ETV2: variants seen among roughly 807,000 people sequenced by gnomAD.
The protein encoded by ETV2 is ETS variant transcription factor 2.
In ETV2, 34 loss-of-function variants were observed where a neutral mutation model predicts 35.7. That is an observed-to-expected ratio of 0.95 (90% confidence interval 0.72 to 1.27). The LOEUF is 1.27. Ranked by LOEUF, ETV2 falls within the 50% of genes most tolerant of loss-of-function variation. The pLI is 0.00. For missense variants in ETV2, 512 were observed against 470.5 expected (o/e 1.09, Z -0.82); for synonymous variants, 207 against 203.9 (o/e 1.02, Z -0.13).
rs770132428 is a variant in ETV2, at chr19:35,644,663, G to T, written c.840G>T (p.Leu280=). Residue 280 remains leucine (L), a synonymous_variant, in exon 7 of 7, where the codon CTG becomes CTT. Transcript: ENST00000402764. The surrounding 1 kb of genome is among the most constrained non-coding windows in gnomAD (Gnocchi z 4.7). ...QLCDPKEVAR[L]WGERKRKPGM... ...GGCCTCTGTCCTAGGTGGCTCGGCT[G>T]TGGGGCGAGCGCAAGAGAAAGCCGG... 1.9e-6 allele frequency: 3 copies of T among 1,605,870 alleles called. No individual in the cohort carries two copies. Among genetic ancestry groups the T allele is most frequent in the Non-Finnish European group, 2.6e-6 (3 of 1,175,230 alleles).
In ETV2 at chr19:35,643,564, A is replaced by T. The variant is rs1403689496; in HGVS notation, c.526A>T (p.Thr176Ser). ...WGSGLGGEPR[T>S]DCTISWGGPA... ...CAGTGGCCTGGGCGGGGAGCCGCGC[A>T]CGGACTGTACCATTTCGTGGGGCGG... The change falls in exon 5 of 7, where the codon ACG becomes TCG. Residue 176 changes from threonine (T) to serine (S), a missense_variant. Thr to Ser is a moderately conservative substitution (Grantham distance 58). Transcript: ENST00000402764. This position sits in a 1 kb window ranked among gnomAD's most constrained non-coding sequence, Gnocchi z 5.0. The T allele has an allele frequency of 1.3e-6, 2 of 1,568,288 alleles. No homozygotes were observed. The highest frequency in any genetic ancestry group is 1.7e-6 in the Non-Finnish European group (2 of 1,157,006).
chr19:35,643,625 C>G lies in ETV2; in HGVS notation c.587C>G (p.Pro196Arg), dbSNP rs1256433922. Residue 196 changes from proline to arginine, a missense_variant, in exon 5 of 7, where the codon CCG (proline) becomes CGG (arginine). Pro to Arg is a moderately radical substitution (Grantham distance 103). Coordinates refer to ENST00000402764, the MANE Select transcript of ETV2 (RefSeq NM_014209.4). This position sits in a 1 kb window ranked among gnomAD's most constrained non-coding sequence, Gnocchi z 5.0. ...AGPDCTTSWN[P>R]GLHAGGTTSL... ...CCGGACTGTACCACCTCCTGGAACC[C>G]GGGGCTGCATGCGGGTGGCACCACC... 2 of 1,612,662 alleles carry G rather than the reference C, an allele frequency of 1.2e-6. No homozygotes were observed. The highest frequency in any genetic ancestry group is 2.7e-5 in the African/African-American group (2 of 74,886).
rs749283372 is a variant in ETV2, at chr19:35,644,353, G to A, written c.828+6G>A. ...AGCTGTGCGACCCCAAAGAGGTGGG[G>A]CAGCTCCCCTGCCCAGCCAAATCCG... On this transcript the variant is annotated splice_donor_region_variant and intron_variant, in intron 6 of 6. Transcript: ENST00000402764. This position sits in a 1 kb window ranked among gnomAD's most constrained non-coding sequence, Gnocchi z 4.7. 5.0e-5 allele frequency: 76 copies of A among 1,511,014 alleles called. No individual in the cohort carries two copies. In the Middle Eastern group the frequency reaches 1.7e-3, roughly 34 times the overall value. The allele number at this position is 1,511,014 out of a possible 1,614,324, so 93.6% of individuals were successfully genotyped here.
In ETV2 at chr19:35,644,184, G is replaced by T; in HGVS notation, c.716-51G>T. The T allele has an allele frequency of 8.1e-7, 1 of 1,230,460 alleles. No homozygotes were observed. Among genetic ancestry groups the T allele is most frequent in the African/African-American group, 1.5e-5 (1 of 67,038 alleles). 76.2% of individuals were successfully genotyped at this position (1,230,460 alleles called of 1,614,324 possible). The stretch of plus-strand genomic sequence containing the variant: ...CCCGGACCTCTAGATCATTGAAGTG[G>T]TGTGATCTAGGGCCGGGAAGACTGA... On this transcript the variant is annotated intron_variant, in intron 5 of 6. Coordinates refer to ENST00000402764, the MANE Select transcript of ETV2 (RefSeq NM_014209.4). The surrounding 1 kb of genome is among the most constrained non-coding windows in gnomAD (Gnocchi z 4.7).
Position 35,642,459 on chromosome 19 carries a change from C to A in ETV2, c.-2C>A. 6.3e-7 allele frequency: 1 copy of A among 1,588,326 alleles called. No individual in the cohort carries two copies. Among genetic ancestry groups the A allele is most frequent in the Non-Finnish European group, 8.6e-7 (1 of 1,165,134 alleles). On this transcript the variant is annotated 5_prime_UTR_variant, in exon 2 of 7. Transcript: ENST00000402764. This position sits in a 1 kb window ranked among gnomAD's most constrained non-coding sequence, Gnocchi z 4.4. ...AACATTCAGAAGGCCTTCATCGCAT[C>A]CATGGACCTGTGGAACTGGGATGAG... is the stretch of plus-strand genomic sequence containing the variant.
Position 35,644,208 on chromosome 19 carries a change from G to A in ETV2, c.716-27G>A. ...GGTGTGATCTAGGGCCGGGAAGACT[G>A]AGTGTGCCCCTCCCTTCATCCCGCA... is the stretch of plus-strand genomic sequence containing the variant. On this transcript the variant is annotated intron_variant, in intron 5 of 6. Transcript: ENST00000402764. The surrounding 1 kb of genome is among the most constrained non-coding windows in gnomAD (Gnocchi z 4.7). 1.4e-6 allele frequency: 2 copies of A among 1,444,524 alleles called. No homozygotes were observed. Among genetic ancestry groups the A allele is most frequent in the South Asian group, 2.4e-5 (2 of 81,926 alleles). The allele number at this position is 1,444,524 out of a possible 1,614,324, so 89.5% of individuals were successfully genotyped here. A position where few individuals can be genotyped will look rare whatever the true frequency, so the allele number is the denominator to read the frequency against.
In ETV2 at chr19:35,644,747, G is replaced by A. The variant is rs756450485; in HGVS notation, c.924G>A (p.Val308=). ...GLRYYYRRDI[V]RKSGGRKYTY... is the part of the protein sequence containing the mutation. ...GCTACTACTATCGCCGCGACATCGT[G>A]CGCAAGAGCGGGGGGCGAAAGTACA... Residue 308 remains valine, a synonymous_variant, in exon 7 of 7, where the codon GTG becomes GTA. Transcript: ENST00000402764. This position sits in a 1 kb window ranked among gnomAD's most constrained non-coding sequence, Gnocchi z 4.7. The A allele has an allele frequency of 1.3e-5, 21 of 1,610,038 alleles. No individual in the cohort carries two copies. Among genetic ancestry groups the A allele is most frequent in the Non-Finnish European group, 1.6e-5 (19 of 1,177,688 alleles).
In ETV2 at chr19:35,644,594, C is replaced by T; in HGVS notation, c.829-58C>T. ...GCACACCGCCCCCAGGCCCGGCCCTCCCCACTATCGCCAAGCCCCGCCCCT... is the reference window on the plus strand; with the variant it reads ...GCACACCGCCCCCAGGCCCGGCCCTTCCCACTATCGCCAAGCCCCGCCCCT... On this transcript the variant is annotated intron_variant, in intron 6 of 6. Coordinates refer to ENST00000402764, the MANE Select transcript of ETV2 (RefSeq NM_014209.4). The surrounding 1 kb of genome is among the most constrained non-coding windows in gnomAD (Gnocchi z 4.7). 2 of 1,505,266 alleles carry T rather than the reference C, an allele frequency of 1.3e-6. No individual in the cohort carries two copies. Among genetic ancestry groups the T allele is most frequent in the Non-Finnish European group, 1.8e-6 (2 of 1,115,284 alleles). The allele number at this position is 1,505,266 out of a possible 1,614,324, so 93.2% of individuals were successfully genotyped here.
At position 35,644,415 on chromosome 19, in the gene ETV2, G is replaced by A. The variant is rs1295038744; in HGVS notation, c.828+68G>A. ...CTAGTTCAATTTAGCTCCGCCCAAGGGCTAGGTTCAACCGCGTAGCCCTCG... is the reference window on the plus strand; with the variant it reads ...CTAGTTCAATTTAGCTCCGCCCAAGAGCTAGGTTCAACCGCGTAGCCCTCG... On this transcript the variant is annotated intron_variant, in intron 6 of 6. Coordinates refer to ENST00000402764, the MANE Select transcript of ETV2 (RefSeq NM_014209.4). The surrounding 1 kb of genome is among the most constrained non-coding windows in gnomAD (Gnocchi z 4.7). 4 of 1,166,582 alleles carry A rather than the reference G, an allele frequency of 3.4e-6. No individual in the cohort carries two copies. The Admixed American group carries it at 6.1e-5, about 18-fold the overall frequency. The allele number at this position is 1,166,582 out of a possible 1,614,324, so 72.3% of individuals were successfully genotyped here. A position where few individuals can be genotyped will look rare whatever the true frequency, so the allele number is the denominator to read the frequency against.
Position 35,644,449 on chromosome 19 carries a change from G to C in ETV2, c.828+102G>C. ...CAACCGCGTAGCCCTCGGCCCCGCC[G>C]CTCCCCGGCCCACTCGAGGCCCCGC... On this transcript the variant is annotated intron_variant, in intron 6 of 6. Coordinates refer to ENST00000402764, the MANE Select transcript of ETV2 (RefSeq NM_014209.4). This position sits in a 1 kb window ranked among gnomAD's most constrained non-coding sequence, Gnocchi z 4.7. 3.1e-6 allele frequency: 3 copies of C among 964,066 alleles called. No homozygotes were observed. The highest frequency in any genetic ancestry group is 3.1e-6 in the Non-Finnish European group (2 of 639,282). 59.7% of individuals were successfully genotyped at this position (964,066 alleles called of 1,614,324 possible). A position where few individuals can be genotyped will look rare whatever the true frequency, so the allele number is the denominator to read the frequency against.
In ETV2 at chr19:35,643,454, C is replaced by A; in HGVS notation, c.416C>A (p.Ala139Asp). 1 of 1,546,770 alleles carries A rather than the reference C, an allele frequency of 6.5e-7. No individual in the cohort carries two copies. Residue 139 changes from alanine to aspartate, a missense_variant, in exon 5 of 7, where the codon GCC becomes GAC. Physicochemically the swap from Ala to Asp is moderately radical, Grantham distance 126 (BLOSUM62 -2). Coordinates refer to ENST00000402764, the MANE Select transcript of ETV2 (RefSeq NM_014209.4). The surrounding 1 kb of genome is among the most constrained non-coding windows in gnomAD (Gnocchi z 5.0). ...GQNCVPVAGE[A>D]TSWSRAQAAG... ...AACTGCGTCCCCGTGGCGGGAGAGG[C>A]CACCTCGTGGTCGCGCGCCCAGGCC...
chr19:35,642,944 C>T lies in ETV2; in HGVS notation c.155-21C>T, dbSNP rs772206302. 4.0e-5 allele frequency: 59 copies of T among 1,486,632 alleles called. No individual in the cohort carries two copies. Among genetic ancestry groups the T allele is most frequent in the Non-Finnish European group, 5.3e-5 (57 of 1,084,394 alleles). 92.1% of individuals were successfully genotyped at this position (1,486,632 alleles called of 1,614,324 possible). A position where few individuals can be genotyped will look rare whatever the true frequency, so the allele number is the denominator to read the frequency against. On this transcript the variant is annotated intron_variant, in intron 3 of 6. Transcript: ENST00000402764. The surrounding 1 kb of genome is among the most constrained non-coding windows in gnomAD (Gnocchi z 4.4). ...TAGTTGAGGGGTCTCTTTCATTGCTCACAGTCCTCCCTAAACTCAGGTACA... is the reference window on the plus strand; with the variant it reads ...TAGTTGAGGGGTCTCTTTCATTGCTTACAGTCCTCCCTAAACTCAGGTACA...
At position 35,644,707 on chromosome 19, in the gene ETV2, T is replaced by A; in HGVS notation, c.884T>A (p.Leu295Gln). ...AAGCCGGGCATGAATTACGAGAAGC[T>A]GAGCCGGGGCCTTCGCTACTACTAT... Reference protein sequence around the residue: ...KRKPGMNYEKLSRGLRYYYRR... With the variant: ...KRKPGMNYEKQSRGLRYYYRR... The change falls in exon 7 of 7, where the codon CTG becomes CAG. Residue 295 changes from leucine (L) to glutamine (Q), a missense_variant. Physicochemically the swap from Leu to Gln is moderately radical, Grantham distance 113. Coordinates refer to ENST00000402764, the MANE Select transcript of ETV2 (RefSeq NM_014209.4). The surrounding 1 kb of genome is among the most constrained non-coding windows in gnomAD (Gnocchi z 4.7). The A allele has an allele frequency of 6.2e-7, 1 of 1,604,446 alleles. No individual in the cohort carries two copies. The highest frequency in any genetic ancestry group is 8.5e-7 in the Non-Finnish European group (1 of 1,174,746).
Position 35,644,634 on chromosome 19 carries a change from A to G in ETV2, c.829-18A>G. ...GCCCCGCCCCTTCCCACTCCGACCG[A>G]GCGGGCCTCTGTCCTAGGTGGCTCG... On this transcript the variant is annotated intron_variant, in intron 6 of 6. Coordinates refer to ENST00000402764, the MANE Select transcript of ETV2 (RefSeq NM_014209.4). The surrounding 1 kb of genome is among the most constrained non-coding windows in gnomAD (Gnocchi z 4.7). 2 of 1,600,772 alleles carry G rather than the reference A, an allele frequency of 1.2e-6. No homozygotes were observed. Among genetic ancestry groups the G allele is most frequent in the South Asian group, 1.1e-5 (1 of 89,422 alleles).
chr19:35,642,629 G>A lies in ETV2; in HGVS notation c.85G>A (p.Gly29Ser). 2 of 1,608,770 alleles carry A rather than the reference G, an allele frequency of 1.2e-6. No individual in the cohort carries two copies. Among genetic ancestry groups the A allele is most frequent in the Non-Finnish European group, 1.7e-6 (2 of 1,177,654 alleles). ...ATCGCCTGCAGAAGGAGCCAAATTA[G>A]GCTTCTGTTTCCCTGATCTGGCACT... ...KLAGLEGAKL[G>S]FCFPDLALQG... Residue 29 changes from glycine (G) to serine (S), a missense_variant, in exon 3 of 7, where the codon GGC (glycine) becomes AGC (serine). Transcript: ENST00000402764. This position sits in a 1 kb window ranked among gnomAD's most constrained non-coding sequence, Gnocchi z 4.4.
rs1258363613 is a variant in ETV2, at chr19:35,644,692, T to A, written c.869T>A (p.Met290Lys). The part of the protein sequence containing the change: ...LWGERKRKPG[M>K]NYEKLSRGLR... ...GGCGAGCGCAAGAGAAAGCCGGGCA[T>A]GAATTACGAGAAGCTGAGCCGGGGC... The change falls in exon 7 of 7, where the codon ATG (methionine) becomes AAG (lysine). Residue 290 changes from methionine (M) to lysine (K), a missense_variant. Physicochemically the swap from Met to Lys is moderately conservative, Grantham distance 95 (BLOSUM62 -1). Coordinates refer to ENST00000402764, the MANE Select transcript of ETV2 (RefSeq NM_014209.4). This position sits in a 1 kb window ranked among gnomAD's most constrained non-coding sequence, Gnocchi z 4.7. 2.5e-6 allele frequency: 4 copies of A among 1,603,554 alleles called. No individual in the cohort carries two copies. Among genetic ancestry groups the A allele is most frequent in the Non-Finnish European group, 3.4e-6 (4 of 1,174,324 alleles).
At position 35,644,039 on chromosome 19, in the gene ETV2, C is replaced by T. The variant is rs1353246637; in HGVS notation, c.716-196C>T. The stretch of plus-strand genomic sequence containing the variant: ...TCCTGGGTCTCCGAGATGGGGAGGC[C>T]AAACTCCTAAATCTCTGAGACTGGG... On this transcript the variant is annotated intron_variant, in intron 5 of 6. Coordinates refer to ENST00000402764, the MANE Select transcript of ETV2 (RefSeq NM_014209.4). This position sits in a 1 kb window ranked among gnomAD's most constrained non-coding sequence, Gnocchi z 4.7. Among the ~76,000 whole-genome samples, 1 of 152,162 alleles carries T rather than the reference C, an allele frequency of 6.6e-6. No individual in the cohort carries two copies. Among genetic ancestry groups the T allele is most frequent in the Non-Finnish European group, 1.5e-5 (1 of 68,014 alleles).
chr19:35,643,361 C>T lies in ETV2; in HGVS notation c.323C>T (p.Thr108Ile), dbSNP rs1967663945. The change falls in exon 5 of 7, where the codon ACC (threonine) becomes ATC (isoleucine). Residue 108 changes from threonine to isoleucine, a missense_variant. By Grantham distance (89) the Thr-to-Ile change is moderately conservative. Transcript: ENST00000402764. This position sits in a 1 kb window ranked among gnomAD's most constrained non-coding sequence, Gnocchi z 5.0. ...AWDSWSGASQTLGPAPLGPGP... is the reference protein window; with the variant it reads ...AWDSWSGASQILGPAPLGPGP... Reference sequence around the variant, plus strand: ...GACTCTTGGAGCGGCGCCTCGCAGACCCTGGGCCCCGCCCCTCTCGGCCCG... The same window carrying T: ...GACTCTTGGAGCGGCGCCTCGCAGATCCTGGGCCCCGCCCCTCTCGGCCCG... 2 of 1,578,214 alleles carry T rather than the reference C, an allele frequency of 1.3e-6. No homozygotes were observed. The highest frequency in any genetic ancestry group is 1.7e-4 in the Middle Eastern group (1 of 5,934).
chr19:35,643,587 C>A lies in ETV2; in HGVS notation c.549C>A (p.Gly183=). 1.9e-6 allele frequency: 3 copies of A among 1,587,466 alleles called. No individual in the cohort carries two copies. The African/African-American group carries it at 4.0e-5, about 21-fold the overall frequency. Residue 183 remains glycine, a synonymous_variant, in exon 5 of 7, where the codon GGC becomes GGA. Transcript: ENST00000402764. The surrounding 1 kb of genome is among the most constrained non-coding windows in gnomAD (Gnocchi z 5.0). ...GCACGGACTGTACCATTTCGTGGGG[C>A]GGGCCCGCGGGCCCGGACTGTACCA... ...EPRTDCTISW[G]GPAGPDCTTS...
Sources: allele counts gnomAD v4.1 joint callset (sites outside exome capture counted in the v4.1 genomes callset), GRCh38; gene constraint gnomAD v4.1.1; non-coding constraint Gnocchi (gnomAD v3.1); transcripts MANE v1.5; gene names NCBI Gene and HGNC (gene_info 2026-07-23, HGNC 2026-07-21).